The following PWWP2A variants were observed in gnomAD, a reference collection of about 807,000 sequenced individuals.
PWWP2A encodes the protein PWWP domain containing 2A.
A neutral mutation model predicts 48.5 loss-of-function variants in PWWP2A; 18 were observed. That is an observed-to-expected ratio of 0.37 (90% confidence interval 0.26 to 0.55). The LOEUF (loss-of-function observed/expected upper bound fraction) is 0.55. Among genes scored for constraint, PWWP2A ranks in the 20% least tolerant of loss-of-function variants. The pLI is 0.81. For synonymous variants in PWWP2A, 396 were observed against 387.7 expected (o/e 1.02, Z -0.25); for missense variants, 867 against 976.4 (o/e 0.89, Z 1.49).
chr5:160,048,129 T>C, the PWWP2A span, among the ~76,000 whole-genome samples: 1 of 4,092 alleles, frequency 2.4e-4, no homozygotes, highest in African/African-American at 1.3e-3. Context: ...GACATTGCTT[T>C]TTTTTTTTTT....
At chr5:160,111,457 C>T (rs1419147807) in intron 1 of PWWP2A, among the ~76,000 whole-genome samples, 3 of 151,692 alleles carry the variant, frequency 2.0e-5, no homozygotes, top group African/African-American at 2.4e-5. Flanking sequence ...CGTGAGCCAC[C>T]GCGCCTGGCA....
intron 2 of PWWP2A, among the ~76,000 whole-genome samples, chr5:160,080,984 A>G (rs1226488923): frequency 6.6e-6 from 1 of 152,210 alleles, no homozygotes; most frequent in Non-Finnish European, 1.5e-5. Flanking sequence ...AGCCTTTGCC[A>G]GGAGAGGGCA....
At chr5:160,070,180 G>GAAC (rs2113441530) in intron 2 of PWWP2A, among the ~76,000 whole-genome samples, 1 of 152,160 alleles carries the variant, frequency 6.6e-6, no homozygotes, top group African/African-American at 2.4e-5. Context: ...ATTTTTCTAA[G>GAAC]AACTAGCTGG....
At chr5:160,114,466 A>G (rs1757899446) in intron 1 of PWWP2A, among the ~76,000 whole-genome samples, 1 of 148,614 alleles carries the variant, frequency 6.7e-6, no homozygotes, top group Non-Finnish European at 1.5e-5. Flanking sequence ...CTCAAAAAAA[A>G]GAAAAAGAGT....
the PWWP2A span, among the ~76,000 whole-genome samples, chr5:160,046,408 T>TAGGAGA: frequency 6.6e-6 from 1 of 152,182 alleles, no homozygotes; most frequent in Non-Finnish European, 1.5e-5. Context: ...TATTCCTTCT[T>TAGGAGA]ATTCTCCTCT....
chr5:160,049,079 A>G, the PWWP2A span, among the ~76,000 whole-genome samples: 1 of 152,256 alleles, frequency 6.6e-6, no homozygotes, highest in East Asian at 1.9e-4. Context: ...GGCAAACTAC[A>G]GCCACAAGCC....
chr5:160,045,518 ACACTCTCT>A, the PWWP2A span, among the ~76,000 whole-genome samples: 3 of 65,722 alleles, frequency 4.6e-5, no homozygotes, highest in Admixed American at 2.1e-4. Flanking sequence ...ACACACATAC[ACACTCTCT>A]CTCTCTCTCT....
chr5:160,093,125 G>A lies in PWWP2A; in HGVS notation c.1525C>T (p.Arg509Cys), dbSNP rs779833860. The part of the protein sequence containing the change: ...SGKMAPKPQS[R>C]CTSTRSAGEA... ...CCTGCTGAGCGGGTAGAGGTGCAGC[G>A]AGACTGGGGCTTGGGTGCCATCTTG... Residue 509 changes from arginine (R) to cysteine (C), a missense_variant, in exon 2 of 2, where the codon CGC (arginine) becomes TGC (cysteine). Arg to Cys is a radical substitution (Grantham distance 180, BLOSUM62 -3). This residue lies in a region of PWWP2A where 382 missense variants were observed against 407.2 expected (regional missense o/e 0.94). Coordinates refer to ENST00000307063, the MANE Select transcript of PWWP2A (RefSeq NM_001130864.2). The surrounding 1 kb of genome is among the most constrained non-coding windows in gnomAD (Gnocchi z 5.8). 1.3e-5 allele frequency: 21 copies of A among 1,613,762 alleles called. No individual in the cohort carries two copies. The highest frequency in any genetic ancestry group is 2.7e-5 in the African/African-American group (2 of 74,886).
intron 2 of PWWP2A, among the ~76,000 whole-genome samples, chr5:160,083,906 T>C (rs993624168): frequency 6.6e-6 from 1 of 152,236 alleles, no homozygotes; most frequent in African/African-American, 2.4e-5. Context: ...CCTTTAACCA[T>C]AATCCTCATG....
At chr5:160,082,403 C>A (rs1300199030) in intron 2 of PWWP2A, among the ~76,000 whole-genome samples, 1 of 150,668 alleles carries the variant, frequency 6.6e-6, no homozygotes, top group Non-Finnish European at 1.5e-5. Flanking sequence ...GAGATCGCGC[C>A]ACTGCACTCC....
At chr5:160,090,568 T>C, downstream of PWWP2A, 1 of 984,508 alleles carries the variant, frequency 1.0e-6, no homozygotes, top group Non-Finnish European at 1.2e-6. Flanking sequence ...GTGTTTATTA[T>C]AATCAAAAAG....
downstream of PWWP2A, chr5:160,091,326 C>T (rs1581190907): frequency 3.1e-6 from 3 of 974,286 alleles, no homozygotes; most frequent in Non-Finnish European, 3.7e-6. Flanking sequence ...TTTTGAGAAA[C>T]ACACACAAAT....
chr5:160,105,575 A>T (rs1756808387), intron 1 of PWWP2A: 1 of 499,224 alleles, frequency 2.0e-6, no homozygotes, highest in Non-Finnish European at 2.6e-6. Flanking sequence ...AAAGAACAAA[A>T]ATGGAAAAAA....
At chr5:160,063,111 G>T (rs948125944) in intron 5 of PWWP2A, among the ~76,000 whole-genome samples, 5 of 152,184 alleles carry the variant, frequency 3.3e-5, no homozygotes, top group African/African-American at 1.2e-4. Context: ...TCAATTTACT[G>T]TTTTATCCAA....
chr5:160,066,223 G>C (rs1041539683), intron 4 of PWWP2A, among the ~76,000 whole-genome samples: 6 of 151,628 alleles, frequency 4.0e-5, no homozygotes, highest in Non-Finnish European at 5.9e-5. Flanking sequence ...AAACCGTGTG[G>C]AATGCTGGAT....
intron 1 of PWWP2A, among the ~76,000 whole-genome samples, chr5:160,110,004 T>C (rs1006050143): frequency 2.7e-5 from 4 of 150,868 alleles, no homozygotes; most frequent in African/African-American, 9.7e-5. Context: ...TCTTGAGCTA[T>C]TAATTTTGAC....
In PWWP2A at chr5:160,078,159, T is replaced by C. The variant is rs1320953296; in HGVS notation, c.1679A>G (p.His560Arg). ...GTCCATGAAACCAGCAGCCTGCTAA[T>C]GTCTTTGTGCTGAAATATAGTAAAG... is the stretch of plus-strand genomic sequence containing the variant. Residue 560 changes from histidine to arginine, a missense_variant, in exon 4 of 4, where the codon CAT (histidine) becomes CGT (arginine). Physicochemically the swap from His to Arg is conservative, Grantham distance 29. Coordinates refer to the PWWP2A transcript ENST00000456329. The surrounding 1 kb of genome is among the most constrained non-coding windows in gnomAD (Gnocchi z 4.2). 1.3e-6 allele frequency: 2 copies of C among 1,557,482 alleles called. No individual in the cohort carries two copies. The highest frequency in any genetic ancestry group is 1.2e-5 in the South Asian group (1 of 84,442).
At chr5:160,097,636 A>G (rs926739197) in intron 1 of PWWP2A, among the ~76,000 whole-genome samples, 6 of 147,558 alleles carry the variant, frequency 4.1e-5, no homozygotes, top group Admixed American at 6.7e-5. Context: ...CTCAAATAAC[A>G]TAACATAAAA....
downstream of PWWP2A, among the ~76,000 whole-genome samples, chr5:160,074,521 C>T (rs1216358025): frequency 6.7e-6 from 1 of 149,244 alleles, no homozygotes; most frequent in Non-Finnish European, 1.5e-5. Flanking sequence ...CCGAGGCAGG[C>T]GGATCACCTG....
Sources: allele counts gnomAD v4.1 joint callset (sites outside exome capture counted in the v4.1 genomes callset), GRCh38; gene constraint gnomAD v4.1.1; regional missense constraint gnomAD v4.1.1; non-coding constraint Gnocchi (gnomAD v3.1); transcripts MANE v1.5; gene names NCBI Gene and HGNC (gene_info 2026-07-23, HGNC 2026-07-21).